The following TUSC3 variants were observed in gnomAD, a reference collection of about 807,000 sequenced individuals.
The protein encoded by TUSC3 is dolichyl-diphosphooligosaccharide--protein glycosyltransferase subunit TUSC3.
TUSC3 carries 45 observed loss-of-function variants against 44.8 expected under a neutral mutation model. The observed-to-expected ratio is 1.00, with a 90% CI of 0.79 to 1.29. TUSC3 has a LOEUF of 1.29. TUSC3 is among the 50% of genes most tolerant of loss of function. The pLI is 0.00. For missense variants in TUSC3, 519 were observed against 437.9 expected (o/e 1.19, Z -1.65); for synonymous variants, 212 against 152.9 (o/e 1.39, Z -2.85).
the TUSC3 span, among the ~76,000 whole-genome samples, chr8:15,772,078 G>A: frequency 2.0e-5 from 3 of 152,042 alleles, no homozygotes; most frequent in Non-Finnish European, 4.4e-5. Flanking sequence ...CACAGAGCAA[G>A]ACTCCGTCTC....
chr8:15,594,657 GTCTTATGAGATTTTTCAAT>G (rs1803989718), intron 1 of TUSC3, among the ~76,000 whole-genome samples: 1 of 152,062 alleles, frequency 6.6e-6, no homozygotes, highest in South Asian at 2.1e-4. Context: ...TCTACATAAT[GTCTTATGAGATTTTTCAAT>G]TTGGCTGGTG....
At chr8:15,432,049 T>A (rs1419222400) in intron 1 of TUSC3, among the ~76,000 whole-genome samples, 1 of 151,916 alleles carries the variant, frequency 6.6e-6, no homozygotes, top group African/African-American at 2.4e-5. Flanking sequence ...GTATCTGTGT[T>A]CATCAGGGAT....
In TUSC3 at chr8:15,461,071, G is replaced by T. The variant is rs1800338079; in HGVS notation, n.92-22315G>T. On this transcript the variant is annotated intron_variant and non_coding_transcript_variant, in intron 1 of 5. Transcript: ENST00000503191. ...GTTTTCTAATTCTGTGAAGAATGAT[G>T]GTGGTATTTTGATGGGGATTGCATT... is the stretch of plus-strand genomic sequence containing the variant. 1.3e-5 allele frequency among the ~76,000 whole-genome samples: 2 copies of T among 152,068 alleles called. 1 individual carries two copies. Among genetic ancestry groups the T allele is most frequent in the South Asian group, 4.1e-4 (2 of 4,826 alleles).
In TUSC3 at chr8:15,486,896, C is replaced by T. The variant is rs528450716; in HGVS notation, n.189+3413C>T. Among the ~76,000 whole-genome samples, 204 of 152,250 alleles carry T rather than the reference C, an allele frequency of 1.3e-3. 1 individual carries two copies. The highest frequency in any genetic ancestry group is 4.7e-3 in the African/African-American group (195 of 41,566). On this transcript the variant is annotated intron_variant and non_coding_transcript_variant, in intron 2 of 5. Transcript: ENST00000503191. ...TGCATATGCAGTAATAGCAATATAT[C>T]CAGGGACTGTATTTATTTTTCTAAT... is the stretch of plus-strand genomic sequence containing the variant.
At chr8:15,618,065 TA>T (rs559725191) in intron 1 of TUSC3, among the ~76,000 whole-genome samples, 234 of 152,238 alleles carry the variant, frequency 1.5e-3, no homozygotes, top group African/African-American at 4.1e-3. Context: ...AGATATGGTA[TA>T]AAAGGTAAAA....
chr8:15,694,756 C>G (rs1809085443), intron 6 of TUSC3, among the ~76,000 whole-genome samples: 1 of 152,168 alleles, frequency 6.6e-6, no homozygotes, highest in African/African-American at 2.4e-5. Flanking sequence ...GGGCTGGTTT[C>G]AGGCCCTAGC....
chr8:15,790,953 A>G, the TUSC3 span, among the ~76,000 whole-genome samples: 1 of 152,094 alleles, frequency 6.6e-6, no homozygotes, highest in Non-Finnish European at 1.5e-5. Flanking sequence ...AGCAGGAGAG[A>G]GGCATGGTTC....
intron 2 of TUSC3, among the ~76,000 whole-genome samples, chr8:15,501,158 T>C (rs1330609471): frequency 6.6e-6 from 1 of 152,178 alleles, no homozygotes; most frequent in Non-Finnish European, 1.5e-5. Context: ...CATCCTGACC[T>C]TTAACCACAA....
chr8:15,523,773 A>G (rs1452060393), intron 2 of TUSC3, among the ~76,000 whole-genome samples: 1 of 148,656 alleles, frequency 6.7e-6, no homozygotes, highest in Non-Finnish European at 1.5e-5. Flanking sequence ...AAGTAAAAAT[A>G]GAGGCAGGGC....
chr8:15,563,098 G>C (rs1802538292), intron 1 of TUSC3, among the ~76,000 whole-genome samples: 1 of 152,044 alleles, frequency 6.6e-6, no homozygotes, highest in Non-Finnish European at 1.5e-5. Flanking sequence ...GTTTTAAATG[G>C]TGGCTTATAA....
chr8:15,779,526 A>T, the TUSC3 span, among the ~76,000 whole-genome samples: 1 of 152,228 alleles, frequency 6.6e-6, no homozygotes, highest in African/African-American at 2.4e-5. Context: ...TCACACTGCT[A>T]ATTAAGACAA....
chr8:15,548,795 A>G (rs184041480), intron 1 of TUSC3, among the ~76,000 whole-genome samples: 12 of 151,956 alleles, frequency 7.9e-5, no homozygotes, highest in African/African-American at 2.2e-4. Context: ...TTCTCCTTCT[A>G]CCCTATGTTT....
At chr8:15,782,331 T>G in the TUSC3 span, among the ~76,000 whole-genome samples, 4 of 152,022 alleles carry the variant, frequency 2.6e-5, no homozygotes, top group East Asian at 7.8e-4. Flanking sequence ...TTTTTTTAAG[T>G]AGCCAGGCAT....
intron 1 of TUSC3, among the ~76,000 whole-genome samples, chr8:15,455,731 C>T (rs762745345): frequency 6.6e-6 from 1 of 152,158 alleles, no homozygotes; most frequent in Non-Finnish European, 1.5e-5. Flanking sequence ...TTGCTTTTGG[C>T]CTTCAAGCTG....
chr8:15,514,055 A>C (rs971567393), intron 2 of TUSC3, among the ~76,000 whole-genome samples: 1 of 152,274 alleles, frequency 6.6e-6, no homozygotes, highest in East Asian at 1.9e-4. Context: ...AGGAACGTCA[A>C]GGTCCCTTCT....
At chr8:15,798,685 A>G in the TUSC3 span, among the ~76,000 whole-genome samples, 1 of 152,026 alleles carries the variant, frequency 6.6e-6, no homozygotes, top group Non-Finnish European at 1.5e-5. Flanking sequence ...TAAGAACCCT[A>G]TAACTCATCA....
At chr8:15,841,752 G>A in the TUSC3 span, among the ~76,000 whole-genome samples, 4 of 152,130 alleles carry the variant, frequency 2.6e-5, no homozygotes, top group African/African-American at 7.2e-5. Flanking sequence ...GACCTCAGGC[G>A]ATTTGACCGC....
chr8:15,524,560 G>A (rs1056043984), intron 2 of TUSC3, among the ~76,000 whole-genome samples: 1 of 152,108 alleles, frequency 6.6e-6, no homozygotes, highest in African/African-American at 2.4e-5. Flanking sequence ...AATATTTGGA[G>A]GAAGTTTATT....
At chr8:15,447,663 T>G (rs2129119690) in intron 1 of TUSC3, among the ~76,000 whole-genome samples, 1 of 152,042 alleles carries the variant, frequency 6.6e-6, no homozygotes, top group South Asian at 2.1e-4. Context: ...GGCTAATGAT[T>G]ACCTTTGAAA....
Sources: allele counts gnomAD v4.1 joint callset (sites outside exome capture counted in the v4.1 genomes callset), GRCh38; gene constraint gnomAD v4.1.1; transcripts MANE v1.5; gene names NCBI Gene and HGNC (gene_info 2026-07-23, HGNC 2026-07-21).